PSMF1: variants seen among roughly 807,000 people sequenced by gnomAD.
The protein encoded by PSMF1 is proteasome inhibitor PI31 subunit.
In PSMF1, 30 loss-of-function variants were observed where a neutral mutation model predicts 29.3. The ratio of observed to expected loss-of-function variants is 1.02; its 90% CI spans 0.77 to 1.39. The LOEUF (loss-of-function observed/expected upper bound fraction) is 1.39. Among genes scored for constraint, PSMF1 ranks in the 40% most tolerant of loss-of-function variants. PSMF1 has a pLI of 0.00. For synonymous variants in PSMF1, 134 were observed against 139.7 expected (o/e 0.96, Z 0.29); for missense variants, 344 against 357.5 (o/e 0.96, Z 0.31).
rs1188821512 is a variant in PSMF1 at position 1,167,036 on chromosome 20, G to A, written c.*1956G>A. 1 of 152,146 alleles carries A rather than the reference G, an allele frequency of 6.6e-6. No individual in the cohort carries two copies. Among genetic ancestry groups the A allele is most frequent in the Non-Finnish European group, 1.5e-5 (1 of 68,002 alleles). The allele number at this position is 152,146 out of a possible 1,614,324, so 9.4% of individuals were successfully genotyped here. ...AGTTATATACAAAATTCTGTTTTCT[G>A]AAAACAAAATTGTGATTCACCTTCA... On this transcript the variant is annotated 3_prime_UTR_variant, in exon 7 of 7. Transcript: ENST00000335877.
In PSMF1 at chr20:1,118,714, C is replaced by T. The variant is rs942425946; in HGVS notation, c.-60C>T. The T allele has an allele frequency of 6.5e-6, 10 of 1,548,938 alleles. No homozygotes were observed. In the South Asian group the frequency reaches 1.2e-4, roughly 18 times the overall value. The stretch of plus-strand genomic sequence containing the variant: ...GTTATAGCTACCCCGGCCGCGGAGC[C>T]GGCTCACTGCACTACCCCCGCCCCC... On this transcript the variant is annotated 5_prime_UTR_variant, in exon 1 of 7. Transcript: ENST00000335877.
chr20:1,126,864 G>C (rs2086163165), intron 2 of PSMF1, among the ~76,000 whole-genome samples: 2 of 152,146 alleles, frequency 1.3e-5, no homozygotes. Context: ...GGGCAATAGA[G>C]CAAGCCTCTG....
intron 1 of PSMF1, among the ~76,000 whole-genome samples, chr20:1,124,438 G>T (rs914079473): frequency 1.9e-4 from 29 of 151,836 alleles, no homozygotes; most frequent in African/African-American, 7.0e-4. Context: ...CAACTACACG[G>T]AGCAACAGGA....
At chr20:1,144,062 T>C (rs1323673539) in intron 4 of PSMF1, among the ~76,000 whole-genome samples, 1 of 152,114 alleles carries the variant, frequency 6.6e-6, no homozygotes, top group Non-Finnish European at 1.5e-5. Flanking sequence ...CTCTCCAGCC[T>C]GGGTGACAGA....
chr20:1,163,104 C>T lies in PSMF1; in HGVS notation c.552-26C>T, dbSNP rs202147585. ...AGGTGCCTGGCTGCTCTGGGACTTG[C>T]AGTAATTGTCTCTTGTTTGTTTCAG... On this transcript the variant is annotated intron_variant, in intron 4 of 6. Transcript: ENST00000335877. The surrounding 1 kb of genome is among the most constrained non-coding windows in gnomAD (Gnocchi z 6.1). 1.2e-5 allele frequency: 19 copies of T among 1,613,668 alleles called. No individual in the cohort carries two copies. Among genetic ancestry groups the T allele is most frequent in the Non-Finnish European group, 1.6e-5 (19 of 1,179,768 alleles).
Position 1,163,093 on chromosome 20 carries a change from T to C in PSMF1, c.552-37T>C, listed in dbSNP as rs376442155. On this transcript the variant is annotated intron_variant, in intron 4 of 6. Coordinates refer to ENST00000335877, the MANE Select transcript of PSMF1 (RefSeq NM_006814.5). This position sits in a 1 kb window ranked among gnomAD's most constrained non-coding sequence, Gnocchi z 6.1. The stretch of plus-strand genomic sequence containing the variant: ...CCACATGTATCAGGTGCCTGGCTGC[T>C]CTGGGACTTGCAGTAATTGTCTCTT... 3.5e-4 allele frequency: 557 copies of C among 1,612,570 alleles called. No homozygotes were observed. Among genetic ancestry groups the C allele is most frequent in the Admixed American group, 5.7e-4 (34 of 59,956 alleles).
intron 4 of PSMF1, among the ~76,000 whole-genome samples, chr20:1,143,786 C>G (rs1221077178): frequency 3.3e-5 from 5 of 151,984 alleles, no homozygotes; most frequent in African/African-American, 1.2e-4. Context: ...AGAAACTATC[C>G]AATTAGAAAA....
chr20:1,138,850 C>A (rs867419222), intron 4 of PSMF1, among the ~76,000 whole-genome samples: 23 of 150,074 alleles, frequency 1.5e-4, no homozygotes, highest in Middle Eastern at 3.6e-3. Flanking sequence ...AAAACAAAAC[C>A]AAACAAAAGC....
At chr20:1,161,508 A>C (rs1047872144) in intron 4 of PSMF1, 1 of 532,042 alleles carries the variant, frequency 1.9e-6, no homozygotes. Flanking sequence ...CTCCAACAGG[A>C]TGCAGAAAGA....
intron 3 of PSMF1, among the ~76,000 whole-genome samples, chr20:1,128,166 T>C (rs535363702): frequency 6.6e-6 from 1 of 152,352 alleles, no homozygotes; most frequent in South Asian, 2.1e-4. Context: ...CCCTTTTCCC[T>C]AACTGCTGGC....
At chr20:1,160,849 C>G (rs1230561479) in intron 4 of PSMF1, 1 of 465,174 alleles carries the variant, frequency 2.1e-6, no homozygotes, top group African/African-American at 2.0e-5. Flanking sequence ...TGGCACCACA[C>G]CCTACAACAA....
chr20:1,131,775 C>G (rs1280735747), intron 3 of PSMF1, among the ~76,000 whole-genome samples: 1 of 152,198 alleles, frequency 6.6e-6, no homozygotes, highest in East Asian at 1.9e-4. Flanking sequence ...GGTAGGCTGT[C>G]TTTTGCCACA....
At chr20:1,117,654 G>A (rs1042739270), upstream of PSMF1, among the ~76,000 whole-genome samples, 1 of 152,198 alleles carries the variant, frequency 6.6e-6, no homozygotes, top group African/African-American at 2.4e-5. Flanking sequence ...GATCTGACTT[G>A]TTTTCTAACA....
At chr20:1,125,454 T>C in intron 1 of PSMF1, 44 bp from the exon 2 acceptor site, 3 of 1,553,516 alleles carry the variant, frequency 1.9e-6, no homozygotes, top group Non-Finnish European at 2.6e-6. Context: ...TAGTTCTGTG[T>C]TTTGAGTTCA....
chr20:1,156,485 T>TA (rs1343986332), intron 4 of PSMF1, among the ~76,000 whole-genome samples: 2 of 152,008 alleles, frequency 1.3e-5, no homozygotes, highest in South Asian at 2.1e-4. Context: ...CTGAAAAGAT[T>TA]AAAAAAGAAG....
upstream of PSMF1, among the ~76,000 whole-genome samples, chr20:1,117,302 A>G (rs982308237): frequency 2.7e-5 from 4 of 149,484 alleles, no homozygotes; most frequent in Non-Finnish European, 5.9e-5. Context: ...GAGTGTGACG[A>G]TTTTGAGCCA....
Position 1,165,970 on chromosome 20 carries a change from T to G in PSMF1, c.*890T>G. The G allele has an allele frequency of 9.4e-6, 13 of 1,379,494 alleles. No homozygotes were observed. The highest frequency in any genetic ancestry group is 2.7e-5 in the East Asian group (1 of 36,914). 85.5% of individuals were successfully genotyped at this position (1,379,494 alleles called of 1,614,324 possible). A position where few individuals can be genotyped will look rare whatever the true frequency, so the allele number is the denominator to read the frequency against. ...GAGGTGGCTTTCCTGCTCTAAAGCA[T>G]TTTGATGTCTCATTCTGTGTTTGGT... On this transcript the variant is annotated 3_prime_UTR_variant, in exon 7 of 7. Transcript: ENST00000335877.
chr20:1,130,490 C>A (rs149337929), intron 3 of PSMF1, among the ~76,000 whole-genome samples: 1 of 152,214 alleles, frequency 6.6e-6, no homozygotes, highest in Non-Finnish European at 1.5e-5. Flanking sequence ...CTGCCCTCTT[C>A]AGACCTCTTC....
At chr20:1,119,865 A>T (rs887022742) in intron 1 of PSMF1, among the ~76,000 whole-genome samples, 8 of 152,158 alleles carry the variant, frequency 5.3e-5, no homozygotes, top group Admixed American at 2.0e-4. Context: ...AAGACTAGCC[A>T]TGGGAAACAG....
Sources: gnomAD v4.1 joint callset for allele counts (sites outside exome capture counted in the v4.1 genomes callset) on GRCh38, gnomAD v4.1.1 for gene constraint, Gnocchi (gnomAD v3.1) non-coding constraint, MANE v1.5 for transcripts, NCBI Gene and HGNC (gene_info 2026-07-23, HGNC 2026-07-21) for gene names.